Variants in AGMO observed in about 807,000 individuals in gnomAD.
AGMO encodes the protein alkylglycerol monooxygenase.
Under a neutral mutation model 60.2 loss-of-function variants are expected in AGMO, and 75 were observed. The ratio of observed to expected loss-of-function variants is 1.25; its 90% CI spans 1.03 to 1.51. The LOEUF is 1.51. Among genes scored for constraint, AGMO ranks in the 40% most tolerant of loss-of-function variants. The pLI is 0.00. For missense variants in AGMO, 763 were observed against 525.5 expected, an observed-to-expected ratio of 1.45 and a Z score of -4.42; for synonymous variants, 261 against 177.1, an observed-to-expected ratio of 1.47 and a Z score of -3.76.
chr7:15,128,046 CA>C, the AGMO span, among the ~76,000 whole-genome samples: 1 of 152,028 alleles, frequency 6.6e-6, no homozygotes, highest in Non-Finnish European at 1.5e-5. Flanking sequence ...CCACAAGGTT[CA>C]TATTGAATTT....
At chr7:15,448,148 GC>G (rs1461616538) in intron 3 of AGMO, among the ~76,000 whole-genome samples, 5 of 152,150 alleles carry the variant, frequency 3.3e-5, no homozygotes, top group African/African-American at 4.8e-5. Context: ...ACTGCTATGG[GC>G]TGAATGTTTG....
At chr7:15,166,024 G>T in the AGMO span, among the ~76,000 whole-genome samples, 181 of 152,240 alleles carry the variant, frequency 1.2e-3, 2 homozygotes, top group South Asian at 0.025. Context: ...TACCTACCAT[G>T]TGTTGAGCAT....
chr7:15,406,468 C>T (rs1312097766), intron 5 of AGMO, among the ~76,000 whole-genome samples: 1 of 124,676 alleles, frequency 8.0e-6, no homozygotes, highest in East Asian at 2.4e-4. Context: ...CACGTATACA[C>T]ATATATGTAT....
chr7:15,161,278 G>A, the AGMO span, among the ~76,000 whole-genome samples: 1 of 152,082 alleles, frequency 6.6e-6, no homozygotes. Flanking sequence ...CCACATCTAA[G>A]CAGTTGAAAG....
chr7:15,122,454 T>C, the AGMO span, among the ~76,000 whole-genome samples: 1 of 152,108 alleles, frequency 6.6e-6, no homozygotes, highest in Admixed American at 6.6e-5. Flanking sequence ...CTCAGACTTC[T>C]CTCCCAAACT....
At chr7:15,543,523 G>C (rs1244720018) in intron 3 of AGMO, among the ~76,000 whole-genome samples, 1 of 152,126 alleles carries the variant, frequency 6.6e-6, no homozygotes, top group East Asian at 1.9e-4. Context: ...ATTTTCATTT[G>C]TAATGTGGAA....
chr7:15,176,807 T>C, the AGMO span, among the ~76,000 whole-genome samples: 1 of 151,904 alleles, frequency 6.6e-6, no homozygotes, highest in Non-Finnish European at 1.5e-5. Flanking sequence ...ATTTGTAACA[T>C]TTGAGAGAGA....
intron 5 of AGMO, among the ~76,000 whole-genome samples, chr7:15,414,618 GA>G (rs986084217): frequency 4.0e-5 from 6 of 149,580 alleles, no homozygotes; most frequent in African/African-American, 1.2e-4. Flanking sequence ...AATAAGGCAA[GA>G]AAAAAAATAG....
At chr7:15,543,726 A>G (rs1253857105) in intron 3 of AGMO, among the ~76,000 whole-genome samples, 2 of 152,080 alleles carry the variant, frequency 1.3e-5, no homozygotes, top group Non-Finnish European at 2.9e-5. Flanking sequence ...CAATACTGCT[A>G]TAAACATGCA....
intron 12 of AGMO, among the ~76,000 whole-genome samples, chr7:15,349,913 G>C (rs1025251031): frequency 6.6e-6 from 1 of 152,030 alleles, no homozygotes; most frequent in Admixed American, 6.6e-5. Flanking sequence ...CTATGACATG[G>C]GGGGATTATG....
chr7:15,417,380 A>T, intron 5 of AGMO, among the ~76,000 whole-genome samples: 1 of 152,150 alleles, frequency 6.6e-6, no homozygotes, highest in East Asian at 1.9e-4. Context: ...AAGAGGTGAA[A>T]GTGACTGAGG....
downstream of AGMO, among the ~76,000 whole-genome samples, chr7:15,195,414 T>A (rs1781092478): frequency 6.6e-6 from 1 of 152,198 alleles, no homozygotes; most frequent in Non-Finnish European, 1.5e-5. Flanking sequence ...GAGGAGGTAG[T>A]GCCTGATTTA....
At chr7:15,548,510 G>A (rs1000368480) in intron 2 of AGMO, among the ~76,000 whole-genome samples, 3 of 152,026 alleles carry the variant, frequency 2.0e-5, no homozygotes, top group Admixed American at 6.6e-5. Flanking sequence ...CGAGAACTAC[G>A]TGAAGAATGC....
At chr7:15,383,043 T>C (rs150012954) in intron 10 of AGMO, among the ~76,000 whole-genome samples, 119 of 152,132 alleles carry the variant, frequency 7.8e-4, no homozygotes, top group Non-Finnish European at 1.6e-3. Context: ...ACCATGAGGA[T>C]CCTGTGTAGT....
chr7:15,346,705 A>C (rs1225616839), intron 12 of AGMO, among the ~76,000 whole-genome samples: 1 of 151,812 alleles, frequency 6.6e-6, no homozygotes, highest in Non-Finnish European at 1.5e-5. Context: ...GTGTTATTCA[A>C]GAGCTAAATC....
At chr7:15,297,435 C>T (rs185203810) in intron 12 of AGMO, among the ~76,000 whole-genome samples, 143 of 152,220 alleles carry the variant, frequency 9.4e-4, no homozygotes, top group Non-Finnish European at 1.6e-3. Context: ...GGGGCTATAA[C>T]TGTACACTGT....
At chr7:15,261,846 C>T (rs1222407244) in intron 12 of AGMO, among the ~76,000 whole-genome samples, 1 of 151,936 alleles carries the variant, frequency 6.6e-6, no homozygotes, top group Non-Finnish European at 1.5e-5. Flanking sequence ...GATGATTTGA[C>T]ATCCAGAAAT....
intron 12 of AGMO, among the ~76,000 whole-genome samples, chr7:15,324,668 TG>T (rs1252270918): frequency 6.6e-6 from 1 of 151,952 alleles, no homozygotes; most frequent in Non-Finnish European, 1.5e-5. Flanking sequence ...CCACAGATGG[TG>T]GGGGGCGGTG....
intron 12 of AGMO, among the ~76,000 whole-genome samples, chr7:15,304,921 G>C (rs992312486): frequency 6.6e-6 from 1 of 151,962 alleles, no homozygotes; most frequent in African/African-American, 2.4e-5. Flanking sequence ...AAATCTTGGA[G>C]AGCACACTGG....
Sources: allele counts gnomAD v4.1 joint callset (sites outside exome capture counted in the v4.1 genomes callset), GRCh38; gene constraint gnomAD v4.1.1; transcripts MANE v1.5; gene names NCBI Gene and HGNC (gene_info 2026-07-23, HGNC 2026-07-21).